Variants in SMIM23 observed in about 807,000 individuals in gnomAD.
SMIM23 encodes the protein CTB-78H18.1.
SMIM23 carries 10 observed loss-of-function variants against 12.8 expected under a neutral mutation model. That is an observed-to-expected ratio of 0.78 (90% CI 0.48 to 1.32). The LOEUF is 1.32. Ranked by LOEUF, SMIM23 falls within the 40% of genes most tolerant of loss-of-function variation. The pLI, the probability that SMIM23 is intolerant of heterozygous loss-of-function variation, is 0.00. For synonymous variants in SMIM23, 78 were observed against 80.1 expected (o/e 0.97, Z 0.14); for missense variants, 184 against 198.2 (o/e 0.93, Z 0.43).
chr5:171,785,253 T>A (rs1755792641), upstream of SMIM23, among the ~76,000 whole-genome samples: 1 of 152,128 alleles, frequency 6.6e-6, no homozygotes, highest in Admixed American at 6.5e-5. Context: ...CAGGCTGTGA[T>A]CTCCTACTGC....
Position 171,790,792 on chromosome 5 carries a change from C to T in SMIM23, c.226-3C>T. The T allele has an allele frequency of 6.5e-7, 1 of 1,536,110 alleles. No homozygotes were observed. The highest frequency in any genetic ancestry group is 1.7e-4 in the Middle Eastern group (1 of 5,990). On this transcript the variant is annotated splice_region_variant and splice_polypyrimidine_tract_variant and intron_variant, in intron 3 of 3. Coordinates refer to ENST00000523047, the MANE Select transcript of SMIM23 (RefSeq NM_001289970.2). ...GGATGCCACTTCTGTGTCTGCCTTC[C>T]AGGGGCTTGAATATCAGACCAACGA... is the stretch of plus-strand genomic sequence containing the variant.
chr5:171,787,288 G>T (rs1755837408), intron 1 of SMIM23, among the ~76,000 whole-genome samples: 1 of 152,148 alleles, frequency 6.6e-6, no homozygotes, highest in Non-Finnish European at 1.5e-5. Context: ...AAAGTGCTGG[G>T]ATTACAGGTG....
At chr5:171,772,693 C>T in the SMIM23 span, among the ~76,000 whole-genome samples, 6 of 152,174 alleles carry the variant, frequency 3.9e-5, no homozygotes, top group Admixed American at 3.9e-4. Context: ...CTGACTTGAC[C>T]TTGGCCAGCC....
the SMIM23 span, among the ~76,000 whole-genome samples, chr5:171,777,379 C>G: frequency 6.6e-6 from 1 of 152,226 alleles, no homozygotes; most frequent in Non-Finnish European, 1.5e-5. Flanking sequence ...ATAAATTAAT[C>G]CTGTTTTTTT....
chr5:171,774,469 T>A, the SMIM23 span: 2 of 456,088 alleles, frequency 4.4e-6, no homozygotes, highest in African/African-American at 2.0e-5. Context: ...TCTCCCCCAA[T>A]CCCCATGGGC....
upstream of SMIM23, among the ~76,000 whole-genome samples, chr5:171,782,154 G>A (rs777132633): frequency 3.9e-5 from 6 of 152,234 alleles, no homozygotes; most frequent in Non-Finnish European, 5.9e-5. Flanking sequence ...AACACTCACC[G>A]TGAGGGTTTG....
intron 1 of SMIM23, among the ~76,000 whole-genome samples, chr5:171,788,889 G>T (rs1161687145): frequency 2.0e-5 from 3 of 152,190 alleles, no homozygotes; most frequent in African/African-American, 7.2e-5. Flanking sequence ...ACCCAGACTG[G>T]AGTGCAGTGG....
the SMIM23 span, among the ~76,000 whole-genome samples, chr5:171,776,068 G>A: frequency 6.6e-6 from 1 of 152,180 alleles, no homozygotes; most frequent in South Asian, 2.1e-4. Context: ...ACGGGGTTTC[G>A]CCATGTTGGC....
chr5:171,783,970 G>A (rs1203905718), upstream of SMIM23, among the ~76,000 whole-genome samples: 1 of 152,170 alleles, frequency 6.6e-6, no homozygotes, highest in African/African-American at 2.4e-5. Context: ...GGCAGGGCAT[G>A]GTGGCTCACA....
upstream of SMIM23, among the ~76,000 whole-genome samples, chr5:171,783,757 A>C (rs530302969): frequency 5.2e-5 from 8 of 152,386 alleles, no homozygotes; most frequent in Non-Finnish European, 8.8e-5. Context: ...GATGAAGTTG[A>C]AAAGATAAGC....
chr5:171,776,056 A>G, the SMIM23 span, among the ~76,000 whole-genome samples: 1 of 152,114 alleles, frequency 6.6e-6, no homozygotes, highest in Non-Finnish European at 1.5e-5. Flanking sequence ...TTTTTAGTAG[A>G]TACGGGGTTT....
upstream of SMIM23, among the ~76,000 whole-genome samples, chr5:171,782,149 T>TCACCG (rs1365746480): frequency 6.6e-6 from 1 of 152,196 alleles, no homozygotes; most frequent in Non-Finnish European, 1.5e-5. Context: ...GCTGTAACAC[T>TCACCG]CACCGTGAGG....
chr5:171,776,075 TGGCCA>T, the SMIM23 span, among the ~76,000 whole-genome samples: 1 of 152,354 alleles, frequency 6.6e-6, no homozygotes, highest in Non-Finnish European at 1.5e-5. Flanking sequence ...TTCGCCATGT[TGGCCA>T]GGCTGGTCTT....
At chr5:171,780,127 G>T (rs1383434163), upstream of SMIM23, among the ~76,000 whole-genome samples, 1 of 152,106 alleles carries the variant, frequency 6.6e-6, no homozygotes, top group South Asian at 2.1e-4. Flanking sequence ...CACTTATTAG[G>T]TTTGGGGCAG....
At chr5:171,782,546 C>A (rs1755747010), upstream of SMIM23, 1 of 152,240 alleles carries the variant, frequency 6.6e-6, no homozygotes, top group Non-Finnish European at 1.5e-5. Context: ...ACAGTAGGTA[C>A]TTCGTTCATG....
chr5:171,775,937 T>A, the SMIM23 span, among the ~76,000 whole-genome samples: 1 of 152,186 alleles, frequency 6.6e-6, no homozygotes, highest in Non-Finnish European at 1.5e-5. Flanking sequence ...CAATGTGTGA[T>A]CTCAACTCAC....
chr5:171,777,050 C>G, the SMIM23 span, among the ~76,000 whole-genome samples: 1 of 147,948 alleles, frequency 6.8e-6, no homozygotes, highest in African/African-American at 2.6e-5. Flanking sequence ...TCCAGCTTCC[C>G]CCTCCTTTTT....
chr5:171,776,783 C>G, the SMIM23 span, among the ~76,000 whole-genome samples: 1 of 152,198 alleles, frequency 6.6e-6, no homozygotes, highest in East Asian at 1.9e-4. Flanking sequence ...AACAACCCCA[C>G]TGGGGTTTCT....
upstream of SMIM23, among the ~76,000 whole-genome samples, chr5:171,777,516 A>T (rs561234528): frequency 2.0e-5 from 3 of 152,244 alleles, no homozygotes; most frequent in Non-Finnish European, 2.9e-5. Context: ...TCATGTGTAC[A>T]TTTGCCCCTC....
Sources: allele counts gnomAD v4.1 joint callset (sites outside exome capture counted in the v4.1 genomes callset), GRCh38; gene constraint gnomAD v4.1.1; transcripts MANE v1.5; gene names NCBI Gene and HGNC (gene_info 2026-07-23, HGNC 2026-07-21).